The following PPFIA2 variants were observed in gnomAD, a reference collection of about 807,000 sequenced individuals.
The protein encoded by PPFIA2 is liprin-alpha-2.
PPFIA2 carries 46 observed loss-of-function variants against 175.5 expected under a neutral mutation model. The observed-to-expected ratio is 0.26, with a 90% confidence interval of 0.21 to 0.34. PPFIA2 has a LOEUF of 0.34. PPFIA2 is among the 10% of genes least tolerant of loss of function. The pLI, the probability that PPFIA2 is intolerant of heterozygous loss-of-function variation, is 1.00. For missense variants in PPFIA2, 1,179 were observed against 1,506.1 expected (o/e 0.78, Z 3.60); for synonymous variants, 568 against 511.4 (o/e 1.11, Z -1.49).
At chr12:81,666,297 A>C (rs1207286382) in intron 4 of PPFIA2, among the ~76,000 whole-genome samples, 1 of 152,212 alleles carries the variant, frequency 6.6e-6, no homozygotes, top group African/African-American at 2.4e-5. Context: ...TGCTGCTATA[A>C]AGACACATGC....
rs534732936 is a variant in PPFIA2, at chr12:81,376,255, G to A, written c.985-313C>T. 1.8e-4 allele frequency among the ~76,000 whole-genome samples: 28 copies of A among 152,264 alleles called. No homozygotes were observed. In the South Asian group the frequency reaches 5.4e-3, roughly 29 times the overall value. On this transcript the variant is annotated intron_variant, in intron 9 of 32. Coordinates refer to ENST00000549396, the MANE Select transcript of PPFIA2 (RefSeq NM_003625.5). ...GGCAGATAAATTAGTTCATTATGCA[G>A]TAAAATTAAGTACAATAATGAGTAG...
At position 81,428,117 on chromosome 12, in the gene PPFIA2, G is replaced by A. The variant is rs186771232; in HGVS notation, c.645+11855C>T. Among the ~76,000 whole-genome samples, 145 of 151,926 alleles carry A rather than the reference G, an allele frequency of 9.5e-4. 3 individuals carry two copies. Among genetic ancestry groups the A allele is most frequent in the African/African-American group, 3.5e-3 (144 of 41,526 alleles). ...GGTAAAATAAAATAGGTCAATTTAT[G>A]ATGCTTATGATCAAAGTATTAATAT... On this transcript the variant is annotated intron_variant, in intron 7 of 32. Transcript: ENST00000549396.
chr12:81,695,345 T>C (rs1341105011), intron 3 of PPFIA2, among the ~76,000 whole-genome samples: 3 of 152,168 alleles, frequency 2.0e-5, no homozygotes, highest in East Asian at 1.9e-4. Context: ...ATATCCTTCA[T>C]GGCTTGATGG....
Position 81,362,633 on chromosome 12 carries a change from C to T in PPFIA2, c.1637+60G>A, listed in dbSNP as rs1284073500. Reference sequence around the variant, plus strand: ...TATTTTAGTTGAGGACATATGAAACCATAAGGGAATTCATGTTGATTTTCA... The same window carrying T: ...TATTTTAGTTGAGGACATATGAAACTATAAGGGAATTCATGTTGATTTTCA... On this transcript the variant is annotated intron_variant, in intron 15 of 32. Coordinates refer to ENST00000549396, the MANE Select transcript of PPFIA2 (RefSeq NM_003625.5). The T allele has an allele frequency of 4.3e-6, 5 of 1,166,572 alleles. No homozygotes were observed. In the Admixed American group the frequency reaches 6.1e-5, roughly 14 times the overall value. 72.3% of individuals were successfully genotyped at this position (1,166,572 alleles called of 1,614,324 possible). A position where few individuals can be genotyped will look rare whatever the true frequency, so the allele number is the denominator to read the frequency against.
chr12:81,304,395 T>C (rs1388432686), intron 22 of PPFIA2, among the ~76,000 whole-genome samples: 1 of 152,136 alleles, frequency 6.6e-6, no homozygotes, highest in Non-Finnish European at 1.5e-5. Flanking sequence ...TCAAAGACCA[T>C]ACATTCCAGT....
chr12:81,738,524 G>A (rs1043801643), intron 3 of PPFIA2, among the ~76,000 whole-genome samples: 2 of 151,976 alleles, frequency 1.3e-5, no homozygotes, highest in Non-Finnish European at 2.9e-5. Flanking sequence ...ACACATGGAA[G>A]TATAAGGCAG....
chr12:81,518,616 C>T (rs2062747342), intron 4 of PPFIA2, among the ~76,000 whole-genome samples: 1 of 152,142 alleles, frequency 6.6e-6, no homozygotes, highest in South Asian at 2.1e-4. Context: ...TAAGCACTTT[C>T]TTACTGACAC....
intron 1 of PPFIA2, 133 bp from the exon 2 acceptor site, chr12:81,758,640 G>A (rs1256461781): frequency 3.0e-6 from 1 of 337,168 alleles, no homozygotes; most frequent in Non-Finnish European, 5.9e-6. Context: ...AAGGAGAAGC[G>A]TCCATCGGAA....
At chr12:81,576,309 G>A (rs1174269574) in intron 4 of PPFIA2, among the ~76,000 whole-genome samples, 1 of 151,734 alleles carries the variant, frequency 6.6e-6, no homozygotes, top group East Asian at 2.0e-4. Flanking sequence ...GTGAGGAAGG[G>A]AAGACTGAAA....
intron 4 of PPFIA2, among the ~76,000 whole-genome samples, chr12:81,483,336 A>T (rs2058460511): frequency 6.6e-6 from 1 of 152,210 alleles, no homozygotes; most frequent in African/African-American, 2.4e-5. Context: ...TGGATAAATA[A>T]AATTTGTACA....
intron 4 of PPFIA2, among the ~76,000 whole-genome samples, chr12:81,631,796 T>A (rs1269491402): frequency 6.6e-6 from 1 of 152,182 alleles, no homozygotes; most frequent in Admixed American, 6.5e-5. Flanking sequence ...GCCAAACACC[T>A]CGCCTCAAGT....
chr12:81,319,335 G>T (rs773810255), intron 22 of PPFIA2, among the ~76,000 whole-genome samples: 1 of 151,560 alleles, frequency 6.6e-6, no homozygotes, highest in Non-Finnish European at 1.5e-5. Flanking sequence ...TTATCCTTGG[G>T]ATATTATTAT....
intron 8 of PPFIA2, among the ~76,000 whole-genome samples, chr12:81,396,893 G>T (rs1474787672): frequency 3.3e-5 from 5 of 151,976 alleles, no homozygotes; most frequent in African/African-American, 4.8e-5. Context: ...TTTGAAGGTA[G>T]AGTAAATCAA....
chr12:81,633,018 G>A (rs774887814), intron 4 of PPFIA2, among the ~76,000 whole-genome samples: 1 of 152,036 alleles, frequency 6.6e-6, no homozygotes, highest in Non-Finnish European at 1.5e-5. Context: ...ATCACTCTGC[G>A]TTATATCCAC....
In PPFIA2 at chr12:81,359,016, A is replaced by G. The variant is rs558774496; in HGVS notation, c.1638-799T>C. On this transcript the variant is annotated intron_variant, in intron 15 of 32. Coordinates refer to ENST00000549396, the MANE Select transcript of PPFIA2 (RefSeq NM_003625.5). ...ATCAAAGTGCAGAAAAGGCTTCTCC[A>G]GGCATATTACTTATATGTAGATTTA... Among the ~76,000 whole-genome samples the G allele has an allele frequency of 3.3e-5, 5 of 152,208 alleles. No individual in the cohort carries two copies. The East Asian group carries it at 7.7e-4, about 24-fold the overall frequency.
At chr12:81,553,795 A>G (rs887297161) in intron 4 of PPFIA2, among the ~76,000 whole-genome samples, 1 of 152,124 alleles carries the variant, frequency 6.6e-6, no homozygotes, top group Admixed American at 6.6e-5. Flanking sequence ...GTCAGAAAAA[A>G]TAGTGATAAG....
rs1009981446 is a variant in PPFIA2 at position 81,531,802 on chromosome 12, A to G, written c.304-73936T>C. Among the ~76,000 whole-genome samples the G allele has an allele frequency of 4.0e-5, 6 of 151,878 alleles. No homozygotes were observed. In the South Asian group the frequency reaches 6.2e-4, roughly 16 times the overall value. On this transcript the variant is annotated intron_variant, in intron 4 of 32. Coordinates refer to ENST00000549396, the MANE Select transcript of PPFIA2 (RefSeq NM_003625.5). ...GTAAGGTACCCTTGACTGGAGAAGG[A>G]CTGGAGGCAAAGAGATGAACTCAAA...
At chr12:81,725,885 T>C (rs868811948) in intron 3 of PPFIA2, among the ~76,000 whole-genome samples, 1 of 150,846 alleles carries the variant, frequency 6.6e-6, no homozygotes, top group Non-Finnish European at 1.5e-5. Context: ...ATCAATACTA[T>C]AAAAAACCTT....
intron 24 of PPFIA2, among the ~76,000 whole-genome samples, chr12:81,290,368 T>C (rs879515638): frequency 4.0e-5 from 6 of 151,830 alleles, no homozygotes; most frequent in South Asian, 2.1e-4. Context: ...GGAATTTTCA[T>C]TTGCAATGCA....
Sources: gnomAD v4.1 joint callset for allele counts (sites outside exome capture counted in the v4.1 genomes callset) on GRCh38, gnomAD v4.1.1 for gene constraint, MANE v1.5 for transcripts, NCBI Gene and HGNC (gene_info 2026-07-23, HGNC 2026-07-21) for gene names.